The following NKAIN2 variants were observed in gnomAD, a reference collection of about 807,000 sequenced individuals.
NKAIN2 encodes sodium/potassium-transporting ATPase subunit beta-1-interacting protein 2.
A neutral mutation model predicts 32.6 loss-of-function variants in NKAIN2; 14 were observed. The ratio of observed to expected loss-of-function variants is 0.43; its 90% CI spans 0.28 to 0.67. The LOEUF (loss-of-function observed/expected upper bound fraction) is 0.67, where lower values mean the gene tolerates loss of function less well. NKAIN2 is among the 30% of genes least tolerant of loss of function. NKAIN2 has a pLI of 0.17. For missense variants in NKAIN2, 198 were observed against 258.3 expected, an observed-to-expected ratio of 0.77 and a Z score of 1.60; for synonymous variants, 80 against 87.2, an observed-to-expected ratio of 0.92 and a Z score of 0.46.
intron 1 of NKAIN2, among the ~76,000 whole-genome samples, chr6:123,935,264 C>G (rs867573918): frequency 2.0e-5 from 3 of 150,868 alleles, no homozygotes; most frequent in East Asian, 1.9e-4. Flanking sequence ...TGACCTTATA[C>G]AAAGATATCT....
At chr6:123,873,334 T>A (rs1435491234) in intron 1 of NKAIN2, among the ~76,000 whole-genome samples, 2 of 151,976 alleles carry the variant, frequency 1.3e-5, no homozygotes, top group African/African-American at 4.8e-5. Context: ...TGTTAGAAAA[T>A]CTGAAAGAAA....
At chr6:124,006,476 C>A (rs1780078834) in intron 1 of NKAIN2, among the ~76,000 whole-genome samples, 1 of 152,188 alleles carries the variant, frequency 6.6e-6, no homozygotes, top group South Asian at 2.1e-4. Flanking sequence ...CACCTCAAAT[C>A]TAGCTTATGC....
chr6:124,273,250 G>T (rs1408834889), intron 1 of NKAIN2, among the ~76,000 whole-genome samples: 2 of 152,138 alleles, frequency 1.3e-5, no homozygotes, highest in South Asian at 2.1e-4. Flanking sequence ...GAAGGACTTG[G>T]TGGGGTCGAT....
At chr6:124,542,175 A>G (rs1308252723) in intron 3 of NKAIN2, among the ~76,000 whole-genome samples, 1 of 152,128 alleles carries the variant, frequency 6.6e-6, no homozygotes, top group Non-Finnish European at 1.5e-5. Context: ...CTATATTTTT[A>G]TATCTGTTTA....
intron 3 of NKAIN2, among the ~76,000 whole-genome samples, chr6:124,585,237 T>C (rs1210810085): frequency 6.6e-6 from 1 of 152,194 alleles, no homozygotes; most frequent in Non-Finnish European, 1.5e-5. Context: ...TTGTCACTTA[T>C]TTGCCAATGC....
chr6:124,357,446 G>C (rs892655649), intron 3 of NKAIN2, among the ~76,000 whole-genome samples: 2 of 151,830 alleles, frequency 1.3e-5, no homozygotes, highest in African/African-American at 4.8e-5. Flanking sequence ...TGTACAGAAA[G>C]ATAGAAACTC....
chr6:124,192,156 T>G (rs1790053818), intron 1 of NKAIN2, among the ~76,000 whole-genome samples: 2 of 152,130 alleles, frequency 1.3e-5, no homozygotes. Flanking sequence ...ATTGCTCTTC[T>G]TTACTTTTCT....
At chr6:124,732,400 A>G (rs1424448563) in intron 4 of NKAIN2, among the ~76,000 whole-genome samples, 2 of 152,178 alleles carry the variant, frequency 1.3e-5, no homozygotes, top group African/African-American at 4.8e-5. Flanking sequence ...TAAGAGGCAA[A>G]TAAGGACAGA....
intron 1 of NKAIN2, among the ~76,000 whole-genome samples, chr6:123,983,841 T>C (rs1331233188): frequency 6.6e-6 from 1 of 152,214 alleles, no homozygotes; most frequent in Non-Finnish European, 1.5e-5. Flanking sequence ...GGTTTTATTC[T>C]ATTTTTATAA....
intron 1 of NKAIN2, among the ~76,000 whole-genome samples, chr6:124,181,157 C>T (rs1789428261): frequency 6.6e-6 from 1 of 152,180 alleles, no homozygotes; most frequent in Admixed American, 6.5e-5. Context: ...AGGTTTGGGG[C>T]TTGCATCCTC....
At chr6:124,427,156 A>G (rs949310159) in intron 3 of NKAIN2, among the ~76,000 whole-genome samples, 12 of 152,212 alleles carry the variant, frequency 7.9e-5, no homozygotes, top group Admixed American at 6.5e-4. Flanking sequence ...TTCTACTCCT[A>G]GGTATTTGCC....
chr6:124,786,885 C>T (rs1395234691), intron 4 of NKAIN2, among the ~76,000 whole-genome samples: 1 of 152,090 alleles, frequency 6.6e-6, no homozygotes, highest in East Asian at 1.9e-4. Flanking sequence ...CATATCTACT[C>T]TAACAACATG....
chr6:123,848,537 T>C (rs1775187475), intron 1 of NKAIN2, among the ~76,000 whole-genome samples: 1 of 152,208 alleles, frequency 6.6e-6, no homozygotes, highest in South Asian at 2.1e-4. Context: ...CCTGCTGCCA[T>C]GTGAAGAAGG....
At chr6:124,324,783 G>C (rs1034918314) in intron 2 of NKAIN2, among the ~76,000 whole-genome samples, 1 of 151,852 alleles carries the variant, frequency 6.6e-6, no homozygotes, top group Non-Finnish European at 1.5e-5. Context: ...TCATGAATTA[G>C]TGCTGAATTT....
intron 5 of NKAIN2, among the ~76,000 whole-genome samples, chr6:124,804,732 T>C (rs2114840508): frequency 6.6e-6 from 1 of 152,270 alleles, no homozygotes; most frequent in South Asian, 2.1e-4. Context: ...GGAGTTCCCT[T>C]TCCTAGTCAA....
chr6:124,712,745 T>C (rs1328659089), intron 4 of NKAIN2, among the ~76,000 whole-genome samples: 1 of 151,766 alleles, frequency 6.6e-6, no homozygotes, highest in East Asian at 1.9e-4. Flanking sequence ...CAGATGGAAA[T>C]GCAGAAATCA....
At chr6:123,895,516 A>T (rs899486413) in intron 1 of NKAIN2, among the ~76,000 whole-genome samples, 28 of 151,286 alleles carry the variant, frequency 1.9e-4, no homozygotes, top group African/African-American at 6.7e-4. Context: ...ATCCTATGCT[A>T]TGAATCAGCT....
chr6:123,991,985 TG>T (rs1376965344), intron 1 of NKAIN2, among the ~76,000 whole-genome samples: 1 of 152,042 alleles, frequency 6.6e-6, no homozygotes, highest in Admixed American at 6.6e-5. Flanking sequence ...AGTTTCAGGG[TG>T]GTCTTTTGTA....
chr6:123,816,839 G>A (rs142362309), intron 1 of NKAIN2, among the ~76,000 whole-genome samples: 13 of 152,168 alleles, frequency 8.5e-5, no homozygotes, highest in African/African-American at 1.9e-4. Context: ...CATGGATGAC[G>A]CAAGGCCCTT....
Sources: gnomAD v4.1 joint callset for allele counts (sites outside exome capture counted in the v4.1 genomes callset) on GRCh38, gnomAD v4.1.1 for gene constraint, MANE v1.5 for transcripts, NCBI Gene and HGNC (gene_info 2026-07-23, HGNC 2026-07-21) for gene names.